The following CFAP47 variants were observed in gnomAD, a reference collection of about 807,000 sequenced individuals.
The protein encoded by CFAP47 is cilia and flagella associated protein 47.
Under a neutral mutation model 148.1 loss-of-function variants are expected in CFAP47, and 29 were observed. The ratio of observed to expected loss-of-function variants is 0.20; its 90% CI spans 0.15 to 0.27. CFAP47 has a LOEUF of 0.27. CFAP47 is among the 10% of genes least tolerant of loss of function. The probability of loss-of-function intolerance (pLI) is 1.00; values close to 1 mark genes in which losing one functional copy is unlikely to be tolerated. For missense variants in CFAP47, 1,872 were observed against 1,697.5 expected (o/e 1.10, Z -1.81); for synonymous variants, 664 against 577.3 (o/e 1.15, Z -2.15).
chrX:35,922,396 C>T (rs1420978818), intron 1 of CFAP47, among the ~76,000 whole-genome samples: 1 of 112,603 alleles, frequency 8.9e-6, no homozygotes, highest in East Asian at 2.8e-4. Context: ...ATTTTCAGCT[C>T]ATAAACTGCT....
chrX:36,364,943 TAC>T (rs1556019960), intron 61 of CFAP47, among the ~76,000 whole-genome samples: 8 of 73,580 alleles, frequency 1.1e-4, no homozygotes, highest in Middle Eastern at 7.4e-3. Context: ...TATATATATA[TAC>T]ACACACACAC....
In CFAP47 at chrX:35,991,813, G is replaced by C. The variant is rs771756247; in HGVS notation, c.2845-8G>C. On this transcript the variant is annotated splice_polypyrimidine_tract_variant and splice_region_variant and intron_variant, in intron 16 of 63. Coordinates refer to ENST00000378653, the MANE Select transcript of CFAP47 (RefSeq NM_001304548.2). ...ATTGTGTTTTTTCTTTCCTCCTCTC[G>C]TTATTAGCTTGGTCGCACCAAGGTT... 1.7e-5 allele frequency: 5 copies of C among 292,481 alleles called. No homozygotes were observed. The highest frequency in any genetic ancestry group is 3.0e-5 in the Non-Finnish European group (5 of 168,094). The allele number at this position is 292,481 out of a possible 1,213,427, so 24.1% of individuals were successfully genotyped here.
chrX:36,163,666 A>G (rs1939455933), intron 39 of CFAP47, among the ~76,000 whole-genome samples: 1 of 111,301 alleles, frequency 9.0e-6, no homozygotes, highest in East Asian at 2.8e-4. Flanking sequence ...CTGAAGTGCA[A>G]TGGCGTGATC....
intron 21 of CFAP47, 146 bp from the exon 22 acceptor site, chrX:36,014,628 C>G (rs1460885805): frequency 8.3e-6 from 2 of 240,730 alleles, no homozygotes; most frequent in Non-Finnish European, 1.5e-5. Flanking sequence ...AATGAACCAT[C>G]TTTTTTTTAA....
chrX:36,362,614 C>A (rs1941838300), intron 61 of CFAP47, among the ~76,000 whole-genome samples: 1 of 112,080 alleles, frequency 8.9e-6, no homozygotes, highest in East Asian at 2.8e-4. Context: ...CATGTCTTTG[C>A]TATTGTGAAT....
At chrX:35,968,440 C>A (rs1455350724) in intron 10 of CFAP47, among the ~76,000 whole-genome samples, 7 of 111,745 alleles carry the variant, frequency 6.3e-5, no homozygotes, top group Non-Finnish European at 9.4e-5. Context: ...GAGAAGTGAA[C>A]CAGGCATCCC....
intron 4 of CFAP47, among the ~76,000 whole-genome samples, chrX:35,949,642 C>T (rs1182208794): frequency 9.0e-6 from 1 of 111,569 alleles, no homozygotes; most frequent in Non-Finnish European, 1.9e-5. Context: ...CTGGCTGCAG[C>T]TTATTAAATT....
chrX:35,957,124 G>A (rs1293317960), intron 8 of CFAP47, among the ~76,000 whole-genome samples: 2 of 103,953 alleles, frequency 1.9e-5, no homozygotes, highest in African/African-American at 7.1e-5. Flanking sequence ...CAGGAGAATC[G>A]CTTGAACCCA....
chrX:36,168,841 T>G (rs1939526829), intron 39 of CFAP47, among the ~76,000 whole-genome samples: 2 of 112,436 alleles, frequency 1.8e-5, no homozygotes, highest in African/African-American at 6.5e-5. Context: ...TTCATGCCTT[T>G]TATTACCTCT....
intron 2 of CFAP47, among the ~76,000 whole-genome samples, chrX:35,939,773 A>G (rs1163725990): frequency 5.1e-5 from 5 of 98,387 alleles, no homozygotes; most frequent in Admixed American, 3.4e-4. Context: ...ATGTGTCTTT[A>G]TAGCAGCATG....
At chrX:36,217,114 A>G (rs1214165331) in intron 45 of CFAP47, among the ~76,000 whole-genome samples, 3 of 112,095 alleles carry the variant, frequency 2.7e-5, no homozygotes, top group Admixed American at 9.4e-5. Flanking sequence ...GTTAGAAGAA[A>G]GATGGACTCC....
chrX:35,971,800 T>C (rs1388290051), intron 12 of CFAP47, 28 bp downstream of exon 12: 1 of 1,191,105 alleles, frequency 8.4e-7, no homozygotes, highest in Non-Finnish European at 1.1e-6. Context: ...CATTTGGTTA[T>C]TCCACGAGAA....
chrX:36,291,861 G>T (rs1556005614), intron 51 of CFAP47, among the ~76,000 whole-genome samples: 1 of 111,251 alleles, frequency 9.0e-6, no homozygotes. Context: ...TATACGTAGA[G>T]AATAAATACA....
intron 58 of CFAP47, among the ~76,000 whole-genome samples, chrX:36,349,306 C>T (rs781790442): frequency 9.0e-6 from 1 of 111,070 alleles, no homozygotes; most frequent in Non-Finnish European, 1.9e-5. Context: ...CTCTGTTGCC[C>T]AGGGTGGAGT....
intron 29 of CFAP47, among the ~76,000 whole-genome samples, chrX:36,079,098 C>A (rs781524689): frequency 9.0e-6 from 1 of 111,718 alleles, no homozygotes; most frequent in African/African-American, 3.3e-5. Flanking sequence ...TTCTCTCTGG[C>A]TGCTCTTAGC....
At chrX:36,275,780 T>G (rs782180799) in intron 49 of CFAP47, among the ~76,000 whole-genome samples, 21 of 111,022 alleles carry the variant, frequency 1.9e-4, no homozygotes, top group Non-Finnish European at 3.4e-4. Flanking sequence ...TAATTCCTCT[T>G]TAAATGTTTG....
chrX:36,297,792 T>A (rs1344676632), intron 51 of CFAP47, among the ~76,000 whole-genome samples: 1 of 112,192 alleles, frequency 8.9e-6, no homozygotes, highest in Admixed American at 9.5e-5. Flanking sequence ...GATGCTAAGA[T>A]ACGTTGCTAC....
At position 36,074,363 on chromosome X, in the gene CFAP47, C is replaced by T. The variant is rs552477496; in HGVS notation, c.4691+999C>T. On this transcript the variant is annotated intron_variant, in intron 29 of 63. Transcript: ENST00000378653. ...ATTTCACTCTTTAGAAACACCACTT[C>T]ACAGCAATAAGGAAGATAAGGCCCG... Among the ~76,000 whole-genome samples the T allele has an allele frequency of 2.2e-4, 25 of 111,704 alleles. No homozygotes were observed. The Admixed American group carries it at 2.4e-3, about 11-fold the overall frequency.
intron 22 of CFAP47, among the ~76,000 whole-genome samples, chrX:36,019,846 T>A (rs1362096651): frequency 8.9e-6 from 1 of 112,221 alleles, no homozygotes; most frequent in Admixed American, 9.5e-5. Context: ...TTAGTCTGGC[T>A]AAAGGTTTGT....
Sources: gnomAD v4.1 joint callset for allele counts (sites outside exome capture counted in the v4.1 genomes callset) on GRCh38, gnomAD v4.1.1 for gene constraint, MANE v1.5 for transcripts, NCBI Gene and HGNC (gene_info 2026-07-23, HGNC 2026-07-21) for gene names.